EFHD1: variants seen among roughly 807,000 people sequenced by gnomAD.
The protein encoded by EFHD1 is EF-hand domain-containing protein D1.
A neutral mutation model predicts 17.2 loss-of-function variants in EFHD1; 10 were observed. The ratio of observed to expected loss-of-function variants is 0.58; its 90% confidence interval spans 0.36 to 0.99. EFHD1 has a LOEUF of 0.99. Among genes scored for constraint, EFHD1 ranks in the 50% least tolerant of loss-of-function variants. The pLI is 0.01. For missense variants in EFHD1, 310 were observed against 327.5 expected (o/e 0.95, Z 0.41); for synonymous variants, 153 against 142.0 (o/e 1.08, Z -0.55).
chr2:232,630,841 A>T (rs931207794), upstream of EFHD1, among the ~76,000 whole-genome samples: 4 of 151,998 alleles, frequency 2.6e-5, no homozygotes, highest in African/African-American at 9.7e-5. Flanking sequence ...AATTTAAAAA[A>T]TTTTCAACAT....
chr2:232,679,907 C>T (rs1375680192), intron 3 of EFHD1, among the ~76,000 whole-genome samples: 1 of 151,980 alleles, frequency 6.6e-6, no homozygotes, highest in Admixed American at 6.6e-5. Flanking sequence ...GAAATGAGAG[C>T]TTCCAGTTCA....
intron 1 of EFHD1, among the ~76,000 whole-genome samples, chr2:232,609,233 A>G (rs1321115163): frequency 2.0e-5 from 3 of 151,156 alleles, no homozygotes; most frequent in African/African-American, 7.3e-5. Flanking sequence ...CTAATTTTTT[A>G]TATTTTTAGT....
chr2:232,643,082 C>T (rs1694461542), intron 1 of EFHD1, among the ~76,000 whole-genome samples: 1 of 151,930 alleles, frequency 6.6e-6, no homozygotes, highest in Non-Finnish European at 1.5e-5. Context: ...GTCAAGGTGG[C>T]AAGGTGTGAG....
chr2:232,664,606 G>GTTTTT (rs57219644), intron 2 of EFHD1, among the ~76,000 whole-genome samples: 27 of 62,672 alleles, frequency 4.3e-4, no homozygotes, highest in Non-Finnish European at 5.1e-4. Context: ...CCCCAAAATA[G>GTTTTT]TTTTTTTTTT....
chr2:232,656,127 T>G (rs2106207466), intron 1 of EFHD1, among the ~76,000 whole-genome samples: 1 of 152,166 alleles, frequency 6.6e-6, no homozygotes, highest in Non-Finnish European at 1.5e-5. Flanking sequence ...TTAAGTCCAT[T>G]CGTCTTCTTG....
At chr2:232,615,710 G>C (rs532372713) in intron 1 of EFHD1, among the ~76,000 whole-genome samples, 1 of 114,706 alleles carries the variant, frequency 8.7e-6, no homozygotes, top group African/African-American at 3.2e-5. Flanking sequence ...TTTTTGAGAC[G>C]AGGTTTCGCT....
chr2:232,667,741 A>G (rs1008625285), intron 2 of EFHD1, among the ~76,000 whole-genome samples: 9 of 152,006 alleles, frequency 5.9e-5, no homozygotes, highest in Non-Finnish European at 1.3e-4. Context: ...TCTTTTTAGT[A>G]GAGACAGGGT....
chr2:232,649,682 G>C (rs1694600916), intron 1 of EFHD1, among the ~76,000 whole-genome samples: 1 of 152,114 alleles, frequency 6.6e-6, no homozygotes, highest in Non-Finnish European at 1.5e-5. Context: ...TTTCCTTTGG[G>C]CCCCTCGACC....
rs10206127 is a variant in EFHD1, at chr2:232,667,857, G to A, written c.451-4452G>A. 8.5e-5 allele frequency among the ~76,000 whole-genome samples: 13 copies of A among 152,170 alleles called. No individual in the cohort carries two copies. The South Asian group carries it at 2.7e-3, about 31-fold the overall frequency. ...ACGGGTGTGAGCCACTGTGTCTGGCGGAGACATCTATTTTAAATAATGAAT... is the reference window on the plus strand; with the variant it reads ...ACGGGTGTGAGCCACTGTGTCTGGCAGAGACATCTATTTTAAATAATGAAT... On this transcript the variant is annotated intron_variant, in intron 2 of 3. Coordinates refer to ENST00000264059, the MANE Select transcript of EFHD1 (RefSeq NM_025202.4).
intron 1 of EFHD1, among the ~76,000 whole-genome samples, chr2:232,661,418 C>G (rs972903459): frequency 1.3e-5 from 2 of 152,160 alleles, no homozygotes; most frequent in Non-Finnish European, 2.9e-5. Flanking sequence ...ATTTGCCTTT[C>G]TGTGGCTGGC....
At chr2:232,648,422 C>A (rs1485625519) in intron 1 of EFHD1, among the ~76,000 whole-genome samples, 2 of 151,816 alleles carry the variant, frequency 1.3e-5, no homozygotes, top group Non-Finnish European at 2.9e-5. Flanking sequence ...GCTGGTTGGG[C>A]AGGAAGGAGG....
chr2:232,614,187 TAC>T (rs553104335), intron 1 of EFHD1, among the ~76,000 whole-genome samples: 17 of 150,552 alleles, frequency 1.1e-4, no homozygotes, highest in East Asian at 3.9e-4. Flanking sequence ...CACACACCTA[TAC>T]ACACACACAC....
chr2:232,672,468 G>C (rs376322909), intron 3 of EFHD1, 25 bp downstream of exon 3: 7 of 1,561,872 alleles, frequency 4.5e-6, no homozygotes, highest in Non-Finnish European at 6.1e-6. Flanking sequence ...CCTTCTGTGA[G>C]GAGCAACCAC....
intron 3 of EFHD1, among the ~76,000 whole-genome samples, chr2:232,678,627 A>C (rs7604307): frequency 0.25 from 37,998 of 151,944 alleles, 4,890 homozygotes; most frequent in East Asian, 0.32. Flanking sequence ...TCTACTAAAA[A>C]ACAAAATTAG....
intron 1 of EFHD1, among the ~76,000 whole-genome samples, chr2:232,635,403 T>A (rs1403943238): frequency 6.6e-6 from 1 of 152,224 alleles, no homozygotes; most frequent in East Asian, 1.9e-4. Flanking sequence ...TATAAAACAA[T>A]CTTTGGAAAG....
At chr2:232,652,445 C>T (rs1694675635) in intron 1 of EFHD1, among the ~76,000 whole-genome samples, 1 of 152,084 alleles carries the variant, frequency 6.6e-6, no homozygotes, top group Non-Finnish European at 1.5e-5. Context: ...TTAGCGTCTG[C>T]TTGAAACCCC....
At chr2:232,612,994 A>G (rs543197858) in intron 1 of EFHD1, among the ~76,000 whole-genome samples, 13 of 151,880 alleles carry the variant, frequency 8.6e-5, no homozygotes, top group Non-Finnish European at 1.6e-4. Flanking sequence ...TAGCCTCCCA[A>G]AGTGCTGGGA....
intron 1 of EFHD1, chr2:232,606,182 T>C (rs1438167281): frequency 1.3e-6 from 2 of 1,535,108 alleles, no homozygotes; most frequent in Non-Finnish European, 1.8e-6. Context: ...CAGTAAGTGC[T>C]CTTTAAATCC....
intron 1 of EFHD1, chr2:232,606,528 G>A: frequency 2.6e-6 from 1 of 381,140 alleles, no homozygotes; most frequent in Non-Finnish European, 5.0e-6. Context: ...CCAGTCGTGG[G>A]TAGACCCGGC....
Sources: gnomAD v4.1 joint callset for allele counts (sites outside exome capture counted in the v4.1 genomes callset) on GRCh38, gnomAD v4.1.1 for gene constraint, MANE v1.5 for transcripts, NCBI Gene and HGNC (gene_info 2026-07-23, HGNC 2026-07-21) for gene names.